The following CHFR variants were observed in gnomAD, a reference collection of about 807,000 sequenced individuals.
CHFR encodes checkpoint with forkhead and ring finger domains, also known as E3 ubiquitin-protein ligase CHFR.
A neutral mutation model predicts 87.6 loss-of-function variants in CHFR; 57 were observed. The observed-to-expected ratio is 0.65, with a 90% confidence interval of 0.53 to 0.81. CHFR has a LOEUF of 0.81. CHFR is among the 30% of genes least tolerant of loss of function. The probability of loss-of-function intolerance (pLI) is 0.00; values close to 1 mark genes in which losing one functional copy is unlikely to be tolerated. For missense variants in CHFR, 797 were observed against 865.8 expected, an observed-to-expected ratio of 0.92 and a Z score of 1.00; for synonymous variants, 381 against 359.2, an observed-to-expected ratio of 1.06 and a Z score of -0.69.
intron 2 of CHFR, among the ~76,000 whole-genome samples, chr12:132,878,091 C>T (rs895776227): frequency 4.6e-5 from 7 of 152,112 alleles, no homozygotes; most frequent in Non-Finnish European, 8.8e-5. Context: ...CGTGAGCCAC[C>T]GCGCCCGGCC....
intron 11 of CHFR, among the ~76,000 whole-genome samples, chr12:132,853,091 T>C (rs1027764136): frequency 5.9e-5 from 9 of 152,174 alleles, no homozygotes; most frequent in African/African-American, 2.2e-4. Context: ...GAGGGACAGA[T>C]ATGCGATCAT....
rs756160978 is a variant in CHFR at position 132,877,680 on chromosome 12, C to T, written c.134-26G>A. 4.0e-6 allele frequency: 6 copies of T among 1,504,756 alleles called. No homozygotes were observed. In the African/African-American group the frequency reaches 4.1e-5, roughly 10 times the overall value. The allele number at this position is 1,504,756 out of a possible 1,614,324, so 93.2% of individuals were successfully genotyped here. ...CTAAAAAAGAGAGGGTGGGTCAACACGGGATATGATCGTGGTAACTGTGAA... is the reference window on the plus strand; with the variant it reads ...CTAAAAAAGAGAGGGTGGGTCAACATGGGATATGATCGTGGTAACTGTGAA... On this transcript the variant is annotated intron_variant, in intron 2 of 17. Transcript: ENST00000450056.
At chr12:132,876,560 T>A (rs779410592) in intron 3 of CHFR, among the ~76,000 whole-genome samples, 5 of 152,230 alleles carry the variant, frequency 3.3e-5, no homozygotes. Flanking sequence ...TTTATTAGTT[T>A]TAAAAAATGA....
Position 132,841,463 on chromosome 12 carries a change from T to C in CHFR, c.*91A>G. 1 of 1,141,414 alleles carries C rather than the reference T, an allele frequency of 8.8e-7. No individual in the cohort carries two copies. The highest frequency in any genetic ancestry group is 1.3e-6 in the Non-Finnish European group (1 of 750,076). The allele number at this position is 1,141,414 out of a possible 1,614,324, so 70.7% of individuals were successfully genotyped here. A position where few individuals can be genotyped will look rare whatever the true frequency, so the allele number is the denominator to read the frequency against. On this transcript the variant is annotated 3_prime_UTR_variant, in exon 18 of 18. Coordinates refer to ENST00000450056, the MANE Select transcript of CHFR (RefSeq NM_001161346.2). ...CCCTGCGTCCCTTCCCTCAGGGGGCTGTGAAAACACCTTGACGTGCTTGTC... is the reference window on the plus strand; with the variant it reads ...CCCTGCGTCCCTTCCCTCAGGGGGCCGTGAAAACACCTTGACGTGCTTGTC...
chr12:132,843,958 AAGAG>A (rs1427590342), intron 16 of CHFR, 65 bp downstream of exon 16: 3 of 963,818 alleles, frequency 3.1e-6, no homozygotes, highest in Admixed American at 4.1e-5. Flanking sequence ...AAAAAAAAAA[AAGAG>A]AGGCAGAAGC....
chr12:132,873,738 A>G (rs370262359), intron 3 of CHFR, among the ~76,000 whole-genome samples: 16 of 149,570 alleles, frequency 1.1e-4, no homozygotes, highest in Admixed American at 6.0e-4. Context: ...CTACGGGGCT[A>G]GAGTGTGCAC....
chr12:132,854,881 A>C (rs1273126391), intron 10 of CHFR: 3 of 151,834 alleles, frequency 2.0e-5, no homozygotes, highest in Non-Finnish European at 4.4e-5. Context: ...GAGGCGGGCT[A>C]ATCACCTGAG....
intron 10 of CHFR, among the ~76,000 whole-genome samples, chr12:132,855,835 A>G (rs1281095532): frequency 6.6e-6 from 1 of 150,396 alleles, no homozygotes; most frequent in Non-Finnish European, 1.5e-5. Flanking sequence ...AAAGGAAATA[A>G]AGATAAAAGT....
intron 2 of CHFR, among the ~76,000 whole-genome samples, chr12:132,884,553 G>T (rs1469039948): frequency 6.6e-6 from 1 of 152,146 alleles, no homozygotes; most frequent in East Asian, 1.9e-4. Flanking sequence ...TCCCCAATGT[G>T]ACTGTATTTG....
intron 15 of CHFR, among the ~76,000 whole-genome samples, chr12:132,844,793 G>C (rs1227124524): frequency 6.6e-6 from 1 of 151,890 alleles, no homozygotes; most frequent in Non-Finnish European, 1.5e-5. Context: ...ACCGTGCCCG[G>C]CTAATGTTTA....
chr12:132,847,806 A>G, intron 14 of CHFR: 1 of 1,304,090 alleles, frequency 7.7e-7, no homozygotes, highest in South Asian at 1.6e-5. Context: ...TGGGAACAAG[A>G]GCTGCCGGGA....
rs1389611984 is a variant in CHFR, at chr12:132,832,500, C to T, written c.*9054G>A. The T allele has an allele frequency of 6.6e-6, 1 of 152,058 alleles. No individual in the cohort carries two copies. The highest frequency in any genetic ancestry group is 1.5e-5 in the Non-Finnish European group (1 of 68,010). The allele number at this position is 152,058 out of a possible 1,614,324, so 9.4% of individuals were successfully genotyped here. On this transcript the variant is annotated 3_prime_UTR_variant, in exon 18 of 18. Coordinates refer to ENST00000450056, the MANE Select transcript of CHFR (RefSeq NM_001161346.2). The stretch of plus-strand genomic sequence containing the variant: ...GAATGTTCCTAACAAAGAAATGATA[C>T]AGGCTTGAGGTGATGGATACCCCAG...
intron 2 of CHFR, among the ~76,000 whole-genome samples, chr12:132,880,988 T>C (rs1951755139): frequency 6.8e-6 from 1 of 147,952 alleles, no homozygotes; most frequent in African/African-American, 2.5e-5. Context: ...AAAGTAAGGC[T>C]GGGGGCGGTG....
intron 16 of CHFR, among the ~76,000 whole-genome samples, chr12:132,843,474 A>C (rs1186936506): frequency 6.6e-6 from 1 of 152,160 alleles, no homozygotes; most frequent in Non-Finnish European, 1.5e-5. Context: ...CCAATTGAGG[A>C]AATAAAATTA....
At position 132,885,392 on chromosome 12, in the gene CHFR, T is replaced by C. The variant is rs949708981; in HGVS notation, c.133+1804A>G. Among the ~76,000 whole-genome samples the C allele has an allele frequency of 5.3e-5, 8 of 150,480 alleles. No individual in the cohort carries two copies. In the South Asian group the frequency reaches 6.3e-4, roughly 12 times the overall value. On this transcript the variant is annotated intron_variant, in intron 2 of 17. Coordinates refer to ENST00000450056, the MANE Select transcript of CHFR (RefSeq NM_001161346.2). ...CGCCACTGCACTCCAGCCTGGGTGA[T>C]AGAGTGAGACTCTGTCTCAAAAAAT...
chr12:132,847,790 G>A, intron 14 of CHFR: 1 of 1,286,920 alleles, frequency 7.8e-7, no homozygotes, highest in Non-Finnish European at 9.9e-7. Flanking sequence ...CCCTCACCGA[G>A]AGCTGTGGGA....
At chr12:132,870,808 A>T in intron 4 of CHFR, 25 bp from the exon 5 acceptor site, 1 of 1,524,322 alleles carries the variant, frequency 6.6e-7, no homozygotes, top group Non-Finnish European at 9.1e-7. Context: ...ATCAAATCAG[A>T]AAAGTGGTGG....
chr12:132,880,742 G>A (rs1319907145), intron 2 of CHFR, among the ~76,000 whole-genome samples: 7 of 151,928 alleles, frequency 4.6e-5, no homozygotes, highest in African/African-American at 1.2e-4. Flanking sequence ...CGAGGCGGGC[G>A]GATCACAAGG....
In CHFR at chr12:132,840,547, T is replaced by C. The variant is rs1054268966; in HGVS notation, c.*1007A>G. ...TCAACAAAAGATAAAAAACTTTTTTTTCCAAAAATCAAAATTTCAAGTATT... is the reference window on the plus strand; with the variant it reads ...TCAACAAAAGATAAAAAACTTTTTTCTCCAAAAATCAAAATTTCAAGTATT... On this transcript the variant is annotated 3_prime_UTR_variant, in exon 18 of 18. Coordinates refer to ENST00000450056, the MANE Select transcript of CHFR (RefSeq NM_001161346.2). 3.9e-5 allele frequency: 6 copies of C among 152,642 alleles called. No homozygotes were observed. The highest frequency in any genetic ancestry group is 5.9e-5 in the Non-Finnish European group (4 of 68,046). 9.5% of individuals were successfully genotyped at this position (152,642 alleles called of 1,614,324 possible).
Sources: allele counts gnomAD v4.1 joint callset (sites outside exome capture counted in the v4.1 genomes callset), GRCh38; gene constraint gnomAD v4.1.1; transcripts MANE v1.5; gene names NCBI Gene and HGNC (gene_info 2026-07-23, HGNC 2026-07-21).